SYN3: variants seen among roughly 807,000 people sequenced by gnomAD.
SYN3 encodes the protein synapsin-3.
SYN3 carries 35 observed loss-of-function variants against 65.8 expected under a neutral mutation model. The ratio of observed to expected loss-of-function variants is 0.53; its 90% CI spans 0.41 to 0.70. SYN3 has a LOEUF of 0.70. SYN3 is among the 30% of genes least tolerant of loss of function. The probability of loss-of-function intolerance (pLI) is 0.00; values close to 1 mark genes in which losing one functional copy is unlikely to be tolerated. For synonymous variants in SYN3, 270 were observed against 292.9 expected (o/e 0.92, Z 0.80); for missense variants, 680 against 749.0 (o/e 0.91, Z 1.08).
At chr22:32,539,871 G>A (rs1424272250) in intron 8 of SYN3, among the ~76,000 whole-genome samples, 1 of 152,060 alleles carries the variant, frequency 6.6e-6, no homozygotes, top group East Asian at 1.9e-4. Context: ...ATGATATCAT[G>A]GCTGAAGGCA....
intron 6 of SYN3, among the ~76,000 whole-genome samples, chr22:32,630,075 C>G (rs778620153): frequency 1.8e-4 from 27 of 151,800 alleles, no homozygotes; most frequent in Admixed American, 3.9e-4. Context: ...CCTCGGCCTC[C>G]TGGGTTCAAG....
At chr22:32,750,384 G>A (rs1569194434) in intron 6 of SYN3, among the ~76,000 whole-genome samples, 1 of 152,096 alleles carries the variant, frequency 6.6e-6, no homozygotes, top group Admixed American at 6.5e-5. Context: ...CTCGAACTTG[G>A]AGCACACCTG....
At chr22:33,048,201 T>C (rs16991715) in intron 1 of SYN3, among the ~76,000 whole-genome samples, 9,589 of 152,198 alleles carry the variant, frequency 0.063, 497 homozygotes, top group East Asian at 0.29. Context: ...ACACCTACCA[T>C]ACAGCAACAT....
At chr22:32,744,386 T>C (rs1332999437) in intron 6 of SYN3, among the ~76,000 whole-genome samples, 4 of 152,172 alleles carry the variant, frequency 2.6e-5, no homozygotes, top group Non-Finnish European at 5.9e-5. Flanking sequence ...ATGAGAGCCG[T>C]TCCCTGTTAT....
chr22:32,736,881 A>G (rs192601827), intron 6 of SYN3, among the ~76,000 whole-genome samples: 17 of 152,270 alleles, frequency 1.1e-4, no homozygotes, highest in African/African-American at 4.1e-4. Flanking sequence ...ACTTGCCTGA[A>G]GCCTGTGTAT....
At chr22:32,840,108 A>G (rs1488279588) in intron 6 of SYN3, among the ~76,000 whole-genome samples, 1 of 152,084 alleles carries the variant, frequency 6.6e-6, no homozygotes, top group Non-Finnish European at 1.5e-5. Context: ...GGAGGTTTTC[A>G]TATCCTCCAG....
chr22:32,813,532 CA>C (rs2046972241), intron 6 of SYN3, among the ~76,000 whole-genome samples: 1 of 144,880 alleles, frequency 6.9e-6, no homozygotes, highest in African/African-American at 2.6e-5. Flanking sequence ...CACACACACA[CA>C]CACGTGGACC....
chr22:32,792,279 G>C (rs1171212954), intron 6 of SYN3, among the ~76,000 whole-genome samples: 1 of 152,176 alleles, frequency 6.6e-6, no homozygotes, highest in Non-Finnish European at 1.5e-5. Context: ...GGCCTTCGTT[G>C]GTTCCTAACC....
At chr22:32,840,863 T>C (rs146855871) in intron 6 of SYN3, among the ~76,000 whole-genome samples, 19 of 152,314 alleles carry the variant, frequency 1.2e-4, no homozygotes, top group African/African-American at 4.1e-4. Flanking sequence ...TTGAGTGTCA[T>C]TGCTGGTCTC....
At chr22:32,990,407 G>GCCAT (rs133923) in intron 2 of SYN3, among the ~76,000 whole-genome samples, 23,553 of 144,494 alleles carry the variant, frequency 0.16, 2,085 homozygotes, top group East Asian at 0.26. Flanking sequence ...CATCCATCCA[G>GCCAT]CCATCCATCC....
intron 6 of SYN3, among the ~76,000 whole-genome samples, chr22:32,693,695 G>T (rs2147168085): frequency 7.4e-6 from 1 of 135,964 alleles, no homozygotes; most frequent in African/African-American, 2.8e-5. Context: ...GGGTTCAAAT[G>T]ATTCTCCTGC....
chr22:33,046,169 T>C (rs370031159), intron 1 of SYN3, among the ~76,000 whole-genome samples: 16 of 152,236 alleles, frequency 1.1e-4, no homozygotes, highest in African/African-American at 3.9e-4. Context: ...ACGGCTAAAA[T>C]AAAAAATACC....
intron 4 of SYN3, among the ~76,000 whole-genome samples, chr22:32,918,746 C>T (rs1387815592): frequency 6.6e-6 from 1 of 152,170 alleles, no homozygotes; most frequent in Non-Finnish European, 1.5e-5. Flanking sequence ...AGAAGGAGAA[C>T]TAGCAAGCGC....
chr22:32,722,674 G>A (rs576938766), intron 6 of SYN3, among the ~76,000 whole-genome samples: 2 of 152,180 alleles, frequency 1.3e-5, no homozygotes, highest in Non-Finnish European at 2.9e-5. Context: ...TGGGGAGGAA[G>A]TGTTGGCTCT....
intron 1 of SYN3, among the ~76,000 whole-genome samples, chr22:33,033,622 C>T (rs904743408): frequency 6.6e-6 from 1 of 152,166 alleles, no homozygotes; most frequent in Non-Finnish European, 1.5e-5. Context: ...GCACACAGAA[C>T]TCACAAGGGG....
chr22:32,858,022 G>A lies in SYN3; in HGVS notation c.711+6893C>T, dbSNP rs779017473. ...TTTCTTCTTTCCTCCTGTAGGTCGC[G>A]TCTATGATGGCAAGATGTACACGGG... On this transcript the variant is annotated intron_variant, in intron 6 of 13. Coordinates refer to ENST00000358763, the MANE Select transcript of SYN3 (RefSeq NM_003490.4). 12 of 1,614,034 alleles carry A rather than the reference G, an allele frequency of 7.4e-6. No individual in the cohort carries two copies. Among genetic ancestry groups the A allele is most frequent in the Admixed American group, 3.3e-5 (2 of 60,000 alleles).
intron 2 of SYN3, among the ~76,000 whole-genome samples, chr22:32,991,340 A>ATAAT (rs1441972958): frequency 2.6e-5 from 3 of 116,958 alleles, no homozygotes; most frequent in Non-Finnish European, 5.5e-5. Context: ...TCCATCTCAA[A>ATAAT]TAATAATAAT....
chr22:32,699,928 T>G (rs932680173), intron 6 of SYN3, among the ~76,000 whole-genome samples: 8 of 152,124 alleles, frequency 5.3e-5, no homozygotes, highest in African/African-American at 1.9e-4. Flanking sequence ...GAAGAGCACT[T>G]TGAGGTCATC....
chr22:32,779,621 C>T (rs1256419902), intron 6 of SYN3, among the ~76,000 whole-genome samples: 1 of 152,142 alleles, frequency 6.6e-6, no homozygotes, highest in Non-Finnish European at 1.5e-5. Flanking sequence ...GAGAGGAAAC[C>T]TTGGCTCTGA....
Sources: allele counts gnomAD v4.1 joint callset (sites outside exome capture counted in the v4.1 genomes callset), GRCh38; gene constraint gnomAD v4.1.1; transcripts MANE v1.5; gene names NCBI Gene and HGNC (gene_info 2026-07-23, HGNC 2026-07-21).